The following COL23A1 variants were observed in gnomAD, a reference collection of about 807,000 sequenced individuals.
The protein encoded by COL23A1 is collagen type XXIII alpha 1 chain, also known as collagen alpha-1(XXIII) chain.
In COL23A1, 97 loss-of-function variants were observed where a neutral mutation model predicts 99.3. The observed-to-expected ratio is 0.98, with a 90% CI of 0.83 to 1.16. COL23A1 has a LOEUF of 1.16. Ranked by LOEUF, COL23A1 falls within the 50% of genes most tolerant of loss-of-function variation. The pLI, the probability that COL23A1 is intolerant of heterozygous loss-of-function variation, is 0.00. For missense variants in COL23A1, 762 were observed against 757.4 expected, an observed-to-expected ratio of 1.01 and a Z score of -0.07; for synonymous variants, 320 against 308.2, an observed-to-expected ratio of 1.04 and a Z score of -0.40.
chr5:178,335,822 TGCAAAGTTCACTG>T (rs1245126925), intron 2 of COL23A1, among the ~76,000 whole-genome samples: 1 of 152,242 alleles, frequency 6.6e-6, no homozygotes, highest in Non-Finnish European at 1.5e-5. Context: ...CTTGCAAAGT[TGCAAAGTTCACTG>T]GCAAAGTTCT....
intron 21 of COL23A1, 40 bp downstream of exon 21, chr5:178,247,735 C>T: frequency 1.2e-6 from 2 of 1,606,592 alleles, no homozygotes; most frequent in South Asian, 1.1e-5. Context: ...CTCTTGGTTT[C>T]CTGGCTGCTT....
intron 2 of COL23A1, among the ~76,000 whole-genome samples, chr5:178,358,272 ATG>A (rs1485856450): frequency 4.4e-5 from 3 of 67,652 alleles, no homozygotes; most frequent in African/African-American, 2.1e-4. Context: ...ATGTGTGTAT[ATG>A]TGTGTATGCG....
At chr5:178,498,255 T>TATATATATATAA (rs1340447435) in intron 2 of COL23A1, among the ~76,000 whole-genome samples, 2 of 70,932 alleles carry the variant, frequency 2.8e-5, no homozygotes, top group South Asian at 3.5e-4. Context: ...TATATATATA[T>TATATATATATAA]ATAAAAGAAC....
intron 2 of COL23A1, among the ~76,000 whole-genome samples, chr5:178,324,225 G>A (rs777944323): frequency 4.6e-5 from 7 of 152,110 alleles, no homozygotes; most frequent in Admixed American, 1.3e-4. Context: ...TGGGGCTGGA[G>A]AATTTGCATT....
chr5:178,572,072 C>CAAAAAAAAAAAAAAAAA lies in COL23A1; in HGVS notation c.295-11325_295-11324insTTTTTTTTTTTTTTTTT, dbSNP rs57863132. Among the ~76,000 whole-genome samples, 165 of 109,212 alleles carry CAAAAAAAAAAAAAAAAA rather than the reference C, an allele frequency of 1.5e-3. 1 individual carries two copies. The highest frequency in any genetic ancestry group is 2.9e-3 in the East Asian group (11 of 3,852). The allele number at this position is 109,212 out of a possible 152,430, so 71.6% of individuals were successfully genotyped here. On this transcript the variant is annotated intron_variant, in intron 1 of 28. Transcript: ENST00000390654. ...GACAGAGCGAGACTCTTTCTCAAAACAAAAAAAAAAAAGACCTAAACTGAA... is the reference window on the plus strand; with the variant it reads ...GACAGAGCGAGACTCTTTCTCAAAACAAAAAAAAAAAAAAAAAAAAAAAAAAAAAGACCTAAACTGAA...
In COL23A1 at chr5:178,290,462, G is replaced by A. The variant is rs577311836; in HGVS notation, c.407-93C>T. 1.6e-4 allele frequency: 249 copies of A among 1,529,842 alleles called. No homozygotes were observed. In the Admixed American group the frequency reaches 3.8e-3, roughly 23 times the overall value. 94.8% of individuals were successfully genotyped at this position (1,529,842 alleles called of 1,614,324 possible). ...CGGTCCCCTCACCTGTCCTCAGCAC[G>A]GCTCCTGGCCACCTCTCCCCGGAAG... On this transcript the variant is annotated intron_variant, in intron 3 of 28. Coordinates refer to ENST00000390654, the MANE Select transcript of COL23A1 (RefSeq NM_173465.4).
chr5:178,269,414 TC>T (rs1756118321), intron 6 of COL23A1, among the ~76,000 whole-genome samples: 1 of 38,742 alleles, frequency 2.6e-5, no homozygotes, highest in African/African-American at 7.9e-5. Context: ...CAACCATCCA[TC>T]CACCCGTCCA....
At chr5:178,399,919 C>G (rs1360239994) in intron 2 of COL23A1, among the ~76,000 whole-genome samples, 1 of 152,310 alleles carries the variant, frequency 6.6e-6, no homozygotes, top group East Asian at 1.9e-4. Flanking sequence ...CGGATCCACC[C>G]GCGTCCATGC....
At chr5:178,503,133 G>C (rs1001756870) in intron 2 of COL23A1, among the ~76,000 whole-genome samples, 1 of 152,230 alleles carries the variant, frequency 6.6e-6, no homozygotes, top group Non-Finnish European at 1.5e-5. Context: ...TGTAATCCCA[G>C]CACTTTGGGA....
rs1334089754 is a variant in COL23A1 at position 178,283,133 on chromosome 5, G to A, written c.441+5191C>T. 3.3e-5 allele frequency among the ~76,000 whole-genome samples: 5 copies of A among 152,014 alleles called. No homozygotes were observed. The South Asian group carries it at 6.2e-4, about 19-fold the overall frequency. ...ACTCCTGACCTCAAGTGATCCATCC[G>A]CCTTGGCCTCCAAAAGTGCTGGGAT... On this transcript the variant is annotated intron_variant, in intron 5 of 28. Coordinates refer to ENST00000390654, the MANE Select transcript of COL23A1 (RefSeq NM_173465.4).
At chr5:178,334,524 C>T (rs1029532324) in intron 2 of COL23A1, among the ~76,000 whole-genome samples, 8 of 152,236 alleles carry the variant, frequency 5.3e-5, no homozygotes, top group Non-Finnish European at 1.0e-4. Context: ...GACCATAACT[C>T]GGTGATTACT....
chr5:178,560,778 C>A (rs563547973), intron 1 of COL23A1, 30 bp from the exon 2 acceptor site: 5 of 1,581,302 alleles, frequency 3.2e-6, no homozygotes, highest in South Asian at 2.3e-5. Flanking sequence ...AGAAAAAAAA[C>A]GAGGAGAGAA....
At chr5:178,238,969 T>C (rs1395055302) in intron 28 of COL23A1, among the ~76,000 whole-genome samples, 172 bp downstream of exon 28, 3 of 152,106 alleles carry the variant, frequency 2.0e-5, no homozygotes, top group Non-Finnish European at 1.5e-5. Flanking sequence ...ACATGCAAGA[T>C]GGGAGAGTCA....
At chr5:178,257,666 A>G in intron 12 of COL23A1, 99 bp from the exon 13 acceptor site, 1 of 1,257,714 alleles carries the variant, frequency 8.0e-7, no homozygotes, top group African/African-American at 1.5e-5. Context: ...TGCTCCTGGC[A>G]TCTGCACTGG....
At chr5:178,344,432 T>C (rs879119338) in intron 2 of COL23A1, among the ~76,000 whole-genome samples, 2 of 151,820 alleles carry the variant, frequency 1.3e-5, no homozygotes, top group East Asian at 3.9e-4. Context: ...AGGTCAGGAG[T>C]TGGAGACCAG....
chr5:178,560,240 G>A (rs544832079), intron 2 of COL23A1, among the ~76,000 whole-genome samples: 3 of 152,218 alleles, frequency 2.0e-5, no homozygotes, highest in East Asian at 1.9e-4. Flanking sequence ...TGCCTCCACC[G>A]CAAGAAATGA....
At chr5:178,286,127 C>T (rs540247906) in intron 5 of COL23A1, among the ~76,000 whole-genome samples, 31 of 152,294 alleles carry the variant, frequency 2.0e-4, no homozygotes, top group Non-Finnish European at 3.2e-4. Flanking sequence ...TGGGGCTGGG[C>T]GACCTCAGGA....
At chr5:178,337,890 AT>A (rs1236210013) in intron 2 of COL23A1, among the ~76,000 whole-genome samples, 3 of 152,182 alleles carry the variant, frequency 2.0e-5, no homozygotes, top group Non-Finnish European at 2.9e-5. Context: ...TTGTTTATAT[AT>A]TTTTTCATTA....
intron 12 of COL23A1, 78 bp downstream of exon 12, chr5:178,259,643 A>T (rs1450267319): frequency 7.9e-6 from 5 of 635,718 alleles, no homozygotes; most frequent in Non-Finnish European, 1.0e-5. Context: ...CCCCATCCCC[A>T]TTCCGTCCCA....
Sources: gnomAD v4.1 joint callset for allele counts (sites outside exome capture counted in the v4.1 genomes callset) on GRCh38, gnomAD v4.1.1 for gene constraint, MANE v1.5 for transcripts, NCBI Gene and HGNC (gene_info 2026-07-23, HGNC 2026-07-21) for gene names.